Variants in MS4A1 observed in about 807,000 individuals in gnomAD.
MS4A1 encodes the protein membrane spanning 4-domains A1.
A neutral mutation model predicts 26.5 loss-of-function variants in MS4A1; 16 were observed. The ratio of observed to expected loss-of-function variants is 0.60; its 90% CI spans 0.41 to 0.92. MS4A1 has a LOEUF of 0.92. Ranked by LOEUF, MS4A1 falls within the 40% of genes least tolerant of loss-of-function variation. MS4A1 has a pLI of 0.00. For synonymous variants in MS4A1, 128 were observed against 117.6 expected, an observed-to-expected ratio of 1.09 and a Z score of -0.57; for missense variants, 350 against 353.0, an observed-to-expected ratio of 0.99 and a Z score of 0.07.
Position 60,466,124 on chromosome 11 carries a change from C to T in MS4A1, c.540C>T (p.Thr180=), listed in dbSNP as rs1381991080. The part of the protein sequence containing the change: ...ANPSEKNSPS[T]QYCYSIQSLF... ...CCTCTGAGAAAAACTCCCCATCTAC[C>T]CAATACTGTTACAGCATACAATCTC... Residue 180 remains threonine (T), a synonymous_variant, in exon 6 of 8, where the codon ACC becomes ACT. Coordinates refer to ENST00000345732, the MANE Select transcript of MS4A1 (RefSeq NM_152866.3). 6.2e-7 allele frequency: 1 copy of T among 1,612,552 alleles called. No homozygotes were observed. The highest frequency in any genetic ancestry group is 1.7e-5 in the Admixed American group (1 of 60,016).
intron 1 of MS4A1, chr11:60,458,325 A>T (rs2086220468): frequency 6.6e-6 from 1 of 152,206 alleles, no homozygotes; most frequent in Admixed American, 6.5e-5. Context: ...CAGTTTTTAA[A>T]CTTCTCAGTA....
rs1232838272 is a variant in MS4A1 at position 60,463,108 on chromosome 11, G to C, written c.266G>C (p.Trp89Ser). 6 of 1,614,140 alleles carry C rather than the reference G, an allele frequency of 3.7e-6. No homozygotes were observed. Among genetic ancestry groups the C allele is most frequent in the Non-Finnish European group, 5.1e-6 (6 of 1,179,998 alleles). The part of the protein sequence containing the change: ...PICVTVWYPL[W>S]GGIMYIISGS... ...TGTGTGACTGTGTGGTACCCTCTCT[G>C]GGGAGGCATTATGGTGAGTAAAAGA... The change falls in exon 4 of 8, where the codon TGG (tryptophan) becomes TCG (serine). Residue 89 changes from tryptophan to serine, a missense_variant. Coordinates refer to ENST00000345732, the MANE Select transcript of MS4A1 (RefSeq NM_152866.3).
intron 6 of MS4A1, 41 bp downstream of exon 6, chr11:60,466,198 G>C (rs1021968610): frequency 1.4e-6 from 2 of 1,463,044 alleles, no homozygotes; most frequent in African/African-American, 2.8e-5. Context: ...TTTCTCTCCA[G>C]GGAGGAAGGA....
chr11:60,465,648 G>A lies in MS4A1; in HGVS notation c.337-273G>A, dbSNP rs2086284743. The A allele has an allele frequency of 9.6e-6, 4 of 416,070 alleles. No homozygotes were observed. The South Asian group carries it at 1.2e-4, about 12-fold the overall frequency. The allele number at this position is 416,070 out of a possible 1,614,324, so 25.8% of individuals were successfully genotyped here. ...GCAGTGGCAGTGAAGGAAATGCAAG[G>A]ATACAAGATATAGAATCAAGGGTTA... On this transcript the variant is annotated intron_variant, in intron 5 of 7. Transcript: ENST00000345732.
rs1215298903 is a variant in MS4A1 at position 60,468,112 on chromosome 11, T to A, written c.676-138T>A. The stretch of plus-strand genomic sequence containing the variant: ...AAGGATATAAGCACCTGCAAAAAAA[T>A]TTTGGCATTTAAAGGCATATAATAA... On this transcript the variant is annotated intron_variant, in intron 7 of 7. Coordinates refer to ENST00000345732, the MANE Select transcript of MS4A1 (RefSeq NM_152866.3). 7 of 725,280 alleles carry A rather than the reference T, an allele frequency of 9.7e-6. 1 individual carries two copies. The highest frequency in any genetic ancestry group is 3.6e-5 in the African/African-American group (2 of 55,660). 44.9% of individuals were successfully genotyped at this position (725,280 alleles called of 1,614,324 possible).
intron 5 of MS4A1, 91 bp from the exon 6 acceptor site, chr11:60,465,830 A>G: frequency 1.0e-6 from 1 of 953,194 alleles, no homozygotes; most frequent in Non-Finnish European, 1.7e-6. Context: ...TTGCTTTGTG[A>G]GTCAGGGCAG....
chr11:60,466,874 A>G (rs180988159), intron 6 of MS4A1, 85 bp from the exon 7 acceptor site: 1 of 1,280,904 alleles, frequency 7.8e-7, no homozygotes, highest in African/African-American at 1.5e-5. Flanking sequence ...TCGTTCAATT[A>G]TAGTCAACAA....
At chr11:60,463,529 C>G (rs2135198836) in intron 4 of MS4A1, among the ~76,000 whole-genome samples, 1 of 152,350 alleles carries the variant, frequency 6.6e-6, no homozygotes, top group African/African-American at 2.4e-5. Flanking sequence ...CTGGTGAAAC[C>G]TGTCCCATCA....
At chr11:60,464,952 T>C (rs549304962) in intron 5 of MS4A1, among the ~76,000 whole-genome samples, 1 of 152,124 alleles carries the variant, frequency 6.6e-6, no homozygotes, top group South Asian at 2.1e-4. Flanking sequence ...ATGAAAAGAG[T>C]TTAGCAGCAA....
intron 4 of MS4A1, chr11:60,463,918 C>A: frequency 2.7e-6 from 1 of 370,836 alleles, no homozygotes; most frequent in Non-Finnish European, 5.3e-6. Context: ...ACTGTGAACC[C>A]CAAAGGGCAG....
chr11:60,463,208 G>A, intron 4 of MS4A1, 87 bp downstream of exon 4: 1 of 1,563,644 alleles, frequency 6.4e-7, no homozygotes, highest in East Asian at 2.2e-5. Flanking sequence ...TTATTTCTGT[G>A]TTGAGGGAAA....
In MS4A1 at chr11:60,468,459, C is replaced by G. The variant is rs755350050; in HGVS notation, c.885C>G (p.Ser295Arg). Residue 295 changes from serine (S) to arginine (R), a missense_variant, in exon 8 of 8, where the codon AGC (serine) becomes AGG (arginine). Coordinates refer to ENST00000345732, the MANE Select transcript of MS4A1 (RefSeq NM_152866.3). Reference protein sequence around the residue: ...DQESSPIENDSSP With the variant: ...DQESSPIENDRSP ...AATCCTCACCAATAGAAAATGACAG[C>G]TCTCCTTAAGTGATTTCTTCTGTTT... 6.2e-7 allele frequency: 1 copy of G among 1,613,756 alleles called. No individual in the cohort carries two copies. The highest frequency in any genetic ancestry group is 1.3e-5 in the African/African-American group (1 of 74,922).
intron 3 of MS4A1, among the ~76,000 whole-genome samples, 153 bp from the exon 4 acceptor site, chr11:60,462,849 G>A (rs1030314962): frequency 2.0e-5 from 3 of 152,138 alleles, no homozygotes; most frequent in Non-Finnish European, 2.9e-5. Flanking sequence ...AAACAGATTC[G>A]AACAAGAAAA....
chr11:60,464,778 A>G (rs993216224), intron 5 of MS4A1, among the ~76,000 whole-genome samples: 2 of 152,346 alleles, frequency 1.3e-5, no homozygotes, highest in Non-Finnish European at 2.9e-5. Flanking sequence ...GAAGGGTAAC[A>G]GTCCTTGCTA....
chr11:60,462,261 G>A lies in MS4A1; in HGVS notation c.-114G>A, dbSNP rs1226473378. ...GTCTACCCTCAATGACACTCATGGA[G>A]GAAATGCTGAGAGAAGCATTCAGAT... is the stretch of plus-strand genomic sequence containing the variant. On this transcript the variant is annotated 5_prime_UTR_variant, in exon 3 of 8. Coordinates refer to ENST00000345732, the MANE Select transcript of MS4A1 (RefSeq NM_152866.3). 8.7e-7 allele frequency: 1 copy of A among 1,148,950 alleles called. No individual in the cohort carries two copies. Among genetic ancestry groups the A allele is most frequent in the Admixed American group, 1.8e-5 (1 of 55,210 alleles). 71.2% of individuals were successfully genotyped at this position (1,148,950 alleles called of 1,614,324 possible). A position where few individuals can be genotyped will look rare whatever the true frequency, so the allele number is the denominator to read the frequency against.
chr11:60,460,080 T>TA (rs922230904), intron 1 of MS4A1, among the ~76,000 whole-genome samples: 1 of 151,624 alleles, frequency 6.6e-6, no homozygotes, highest in Non-Finnish European at 1.5e-5. Context: ...ACCCCATCTC[T>TA]AAAAAAAATA....
At chr11:60,457,607 A>G (rs1446546661) in intron 1 of MS4A1, among the ~76,000 whole-genome samples, 1 of 152,166 alleles carries the variant, frequency 6.6e-6, no homozygotes, top group Non-Finnish European at 1.5e-5. Context: ...CAAGATGAAG[A>G]TGGACTGAGA....
rs775663710 is a variant in MS4A1, at chr11:60,462,254, T to G, written c.-121T>G. The G allele has an allele frequency of 9.3e-7, 1 of 1,071,452 alleles. No individual in the cohort carries two copies. The highest frequency in any genetic ancestry group is 1.3e-5 in the South Asian group (1 of 76,306). 66.4% of individuals were successfully genotyped at this position (1,071,452 alleles called of 1,614,324 possible). The stretch of plus-strand genomic sequence containing the variant: ...AGGCCATGTCTACCCTCAATGACAC[T>G]CATGGAGGAAATGCTGAGAGAAGCA... On this transcript the variant is annotated 5_prime_UTR_variant, in exon 3 of 8. Coordinates refer to ENST00000345732, the MANE Select transcript of MS4A1 (RefSeq NM_152866.3).
intron 7 of MS4A1, 40 bp downstream of exon 7, chr11:60,467,100 A>T: frequency 6.8e-7 from 1 of 1,471,226 alleles, no homozygotes; most frequent in Admixed American, 1.7e-5. Flanking sequence ...CCCTCTAGAA[A>T]ATCCACATCC....
Sources: gnomAD v4.1 joint callset for allele counts (sites outside exome capture counted in the v4.1 genomes callset) on GRCh38, gnomAD v4.1.1 for gene constraint, MANE v1.5 for transcripts, NCBI Gene and HGNC (gene_info 2026-07-23, HGNC 2026-07-21) for gene names.